The following LMNB2 variants were observed in gnomAD, a reference collection of about 807,000 sequenced individuals.
LMNB2 encodes lamin B2, also known as lamin-B2.
Under a neutral mutation model 69.3 loss-of-function variants are expected in LMNB2, and 17 were observed. The observed-to-expected ratio is 0.25, with a 90% confidence interval of 0.17 to 0.37. The LOEUF (loss-of-function observed/expected upper bound fraction) is 0.37. Ranked by LOEUF, LMNB2 falls within the 10% of genes least tolerant of loss-of-function variation. The pLI, the probability that LMNB2 is intolerant of heterozygous loss-of-function variation, is 1.00. For synonymous variants in LMNB2, 397 were observed against 389.3 expected, an observed-to-expected ratio of 1.02 and a Z score of -0.23; for missense variants, 789 against 883.6, an observed-to-expected ratio of 0.89 and a Z score of 1.36.
intron 1 of LMNB2, among the ~76,000 whole-genome samples, chr19:2,450,820 C>T (rs542414264): frequency 3.3e-5 from 5 of 151,074 alleles, no homozygotes; most frequent in Non-Finnish European, 5.9e-5. Context: ...TTAGTAGAGA[C>T]GGGGCTTCAC....
rs1971710266 is a variant in LMNB2 at position 2,429,650 on chromosome 19, GCA to G, written c.*1259_*1260del. ...TTTTGGTGTCTTTAAGACTTGAGCTGCACTTTCTGAAGGAGGCTCTGCCGTCG... is the reference window on the plus strand; with the variant it reads ...TTTTGGTGTCTTTAAGACTTGAGCTGCTTTCTGAAGGAGGCTCTGCCGTCG... On this transcript the variant is annotated 3_prime_UTR_variant, in exon 12 of 12. Coordinates refer to ENST00000325327, the MANE Select transcript of LMNB2 (RefSeq NM_032737.4). 1 of 152,322 alleles carries G rather than the reference GCA, an allele frequency of 6.6e-6. No homozygotes were observed. The highest frequency in any genetic ancestry group is 2.4e-5 in the African/African-American group (1 of 41,466). 9.4% of individuals were successfully genotyped at this position (152,322 alleles called of 1,614,324 possible).
chr19:2,432,811 G>A (rs1331933100), intron 8 of LMNB2, among the ~76,000 whole-genome samples: 5 of 139,834 alleles, frequency 3.6e-5, no homozygotes, highest in Non-Finnish European at 6.1e-5. Flanking sequence ...CGGCAGCCCC[G>A]TCACCCTGAC....
chr19:2,452,032 C>T (rs1008364784), intron 1 of LMNB2, among the ~76,000 whole-genome samples: 10 of 152,102 alleles, frequency 6.6e-5, no homozygotes, highest in South Asian at 2.1e-4. Context: ...CGCCTGGACA[C>T]GGGCCACAGC....
At chr19:2,434,961 T>TGCCCCCCGCCCCCCCCCCCCCCCC in intron 5 of LMNB2, 40 bp downstream of exon 5, 1 of 1,582,982 alleles carries the variant, frequency 6.3e-7, no homozygotes, top group Non-Finnish European at 8.6e-7. Flanking sequence ...GGGGCGGGGT[T>TGCCCCCCGCCCCCCCCCCCCCCCC]CCCACCGGCC....
intron 1 of LMNB2, 131 bp from the exon 2 acceptor site, chr19:2,444,671 G>A: frequency 8.8e-7 from 1 of 1,133,006 alleles, no homozygotes; most frequent in Non-Finnish European, 1.3e-6. Context: ...TGGCAGCCTG[G>A]GGACACTGGG....
chr19:2,456,090 C>G (rs977768449), intron 1 of LMNB2, among the ~76,000 whole-genome samples: 2 of 151,362 alleles, frequency 1.3e-5, no homozygotes, highest in Non-Finnish European at 3.0e-5. Flanking sequence ...CGTTCAGAGT[C>G]CCCCGCGATC....
chr19:2,435,531 C>T lies in LMNB2; in HGVS notation c.685-360G>A, dbSNP rs544955956. Among the ~76,000 whole-genome samples the T allele has an allele frequency of 1.1e-3, 164 of 152,026 alleles. 1 individual carries two copies. Among genetic ancestry groups the T allele is most frequent in the Non-Finnish European group, 1.9e-3 (127 of 67,964 alleles). The stretch of plus-strand genomic sequence containing the variant: ...CATCCACAGAGACAGGGAGGGGATG[C>T]GTGGGGGCCAGGGCTGGGGACTGCT... On this transcript the variant is annotated intron_variant, in intron 4 of 11. Coordinates refer to ENST00000325327, the MANE Select transcript of LMNB2 (RefSeq NM_032737.4).
At chr19:2,452,045 G>A (rs1250659569) in intron 1 of LMNB2, among the ~76,000 whole-genome samples, 2 of 152,040 alleles carry the variant, frequency 1.3e-5, no homozygotes, top group Non-Finnish European at 2.9e-5. Context: ...GCCACAGCGC[G>A]GCCTCCCTGC....
intron 1 of LMNB2, among the ~76,000 whole-genome samples, chr19:2,450,250 C>T (rs974652646): frequency 2.4e-4 from 37 of 152,106 alleles, no homozygotes; most frequent in African/African-American, 7.5e-4. Context: ...CAGGACCAAC[C>T]AGAACCTCTA....
chr19:2,455,991 C>T (rs567772069), intron 1 of LMNB2, among the ~76,000 whole-genome samples: 2 of 151,770 alleles, frequency 1.3e-5, no homozygotes, highest in Non-Finnish European at 2.9e-5. Flanking sequence ...GCCCAGGGTC[C>T]CCGCGATCGC....
In LMNB2 at chr19:2,456,166, G is replaced by T. The variant is rs1264685389; in HGVS notation, c.264+504C>A. ...TTCACTCAGGGACTCTCCGAAACGC[G>T]GCGGAGATCCCCGAGGCCGGACTGT... is the stretch of plus-strand genomic sequence containing the variant. On this transcript the variant is annotated intron_variant, in intron 1 of 11. Coordinates refer to ENST00000325327, the MANE Select transcript of LMNB2 (RefSeq NM_032737.4). Among the ~76,000 whole-genome samples the T allele has an allele frequency of 1.1e-4, 15 of 138,528 alleles. No homozygotes were observed. In the South Asian group the frequency reaches 3.1e-3, roughly 29 times the overall value. The allele number at this position is 138,528 out of a possible 152,430, so 90.9% of individuals were successfully genotyped here.
chr19:2,432,137 G>A (rs1971748484), intron 9 of LMNB2, among the ~76,000 whole-genome samples: 1 of 152,194 alleles, frequency 6.6e-6, no homozygotes, highest in South Asian at 2.1e-4. Context: ...CACCCACCAG[G>A]CTCCATGGCC....
rs4806849 is a variant in LMNB2, at chr19:2,447,217, C to A, written c.265-2677G>T. Among the ~76,000 whole-genome samples the A allele has an allele frequency of 0.16, 24,356 of 152,018 alleles. 2,062 individuals are homozygous for A. Among genetic ancestry groups the A allele is most frequent in the Middle Eastern group, 0.22 (66 of 294 alleles). On this transcript the variant is annotated intron_variant, in intron 1 of 11. Coordinates refer to ENST00000325327, the MANE Select transcript of LMNB2 (RefSeq NM_032737.4). This position sits in a 1 kb window ranked among gnomAD's most constrained non-coding sequence, Gnocchi z 4.4. ...AATAAAAGCAATGCGGTCCCTCCAC[C>A]ATCCACACACAGGAACATGACCCAG...
Position 2,433,984 on chromosome 19 carries a change from C to G in LMNB2, c.1324G>C (p.Glu442Gln), listed in dbSNP as rs764338696. The stretch of plus-strand genomic sequence containing the variant: ...CTTGGGCCGCTGCCCAAGGGCTCCT[C>G]CACCTCCAGCCGCTTCCGCTTACTG... ...GRSKRKRLEV[E>Q]EPLGSGPSVL... The change falls in exon 8 of 12, where the codon GAG becomes CAG. Residue 442 changes from glutamate (E) to glutamine (Q), a missense_variant. Glu to Gln is a conservative substitution (Grantham distance 29, BLOSUM62 2). This residue lies in a region of LMNB2 where 609 missense variants were observed against 630.9 expected (regional missense o/e 0.97). Transcript: ENST00000325327. 1 of 1,610,014 alleles carries G rather than the reference C, an allele frequency of 6.2e-7. No individual in the cohort carries two copies. Among genetic ancestry groups the G allele is most frequent in the Non-Finnish European group, 8.5e-7 (1 of 1,179,344 alleles).
Position 2,434,790 on chromosome 19 carries a change from G to T in LMNB2, c.979C>A (p.Gln327Lys). 1 of 1,605,846 alleles carries T rather than the reference G, an allele frequency of 6.2e-7. No homozygotes were observed. The highest frequency in any genetic ancestry group is 8.5e-7 in the Non-Finnish European group (1 of 1,177,454). Reference sequence around the variant, plus strand: ...GACGGTGGCGCTGTGCTCATCACCTGCTTCTGGAGGCCGGAGAGCTGGTAG... The same window carrying T: ...GACGGTGGCGCTGTGCTCATCACCTTCTTCTGGAGGCCGGAGAGCTGGTAG... ...LSYQLSGLQK[Q>K]ASAAEDRIRE... Residue 327 changes from glutamine to lysine, a missense_variant and splice_region_variant, in exon 6 of 12, where the codon CAG (glutamine) becomes AAG (lysine). Around this residue, in one of 3 missense-constraint regions of LMNB2, gnomAD observed 609 missense variants for 630.9 expected, o/e 0.97. Transcript: ENST00000325327.
At chr19:2,450,121 C>CATATACATATACATATAT (rs1972004089) in intron 1 of LMNB2, among the ~76,000 whole-genome samples, 4 of 142,366 alleles carry the variant, frequency 2.8e-5, no homozygotes, top group African/African-American at 1.0e-4. Context: ...TATATATACA[C>CATATACATATACATATAT]ATATATATAT....
intron 2 of LMNB2, among the ~76,000 whole-genome samples, chr19:2,442,321 G>A (rs1466272729): frequency 6.6e-6 from 1 of 152,088 alleles, no homozygotes; most frequent in Non-Finnish European, 1.5e-5. Flanking sequence ...GCCAGGCATG[G>A]TGGTTTACAT....
chr19:2,428,439 C>G lies in LMNB2; in HGVS notation c.*2472G>C, dbSNP rs1054409861. 1 of 152,232 alleles carries G rather than the reference C, an allele frequency of 6.6e-6. No homozygotes were observed. The highest frequency in any genetic ancestry group is 1.9e-4 in the East Asian group (1 of 5,200). The allele number at this position is 152,232 out of a possible 1,614,324, so 9.4% of individuals were successfully genotyped here. A position where few individuals can be genotyped will look rare whatever the true frequency, so the allele number is the denominator to read the frequency against. On this transcript the variant is annotated 3_prime_UTR_variant, in exon 12 of 12. Coordinates refer to ENST00000325327, the MANE Select transcript of LMNB2 (RefSeq NM_032737.4). ...CCTCAGATCTTTAACAAAGAACTGC[C>G]GCGTGCAGGCTTCAGACCAACCCCA...
chr19:2,442,390 G>A (rs117472280), intron 2 of LMNB2, among the ~76,000 whole-genome samples: 331 of 152,192 alleles, frequency 2.2e-3, no homozygotes, highest in Non-Finnish European at 3.9e-3. Flanking sequence ...CCAGGAGTTT[G>A]AGACCAGCCT....
Sources: allele counts gnomAD v4.1 joint callset (sites outside exome capture counted in the v4.1 genomes callset), GRCh38; gene constraint gnomAD v4.1.1; regional missense constraint gnomAD v4.1.1; non-coding constraint Gnocchi (gnomAD v3.1); transcripts MANE v1.5; gene names NCBI Gene and HGNC (gene_info 2026-07-23, HGNC 2026-07-21).